Variants in STPG2 observed in about 807,000 individuals in gnomAD.
STPG2 encodes sperm-tail PG-rich repeat-containing protein 2.
STPG2 carries 56 observed loss-of-function variants against 54.2 expected under a neutral mutation model. The ratio of observed to expected loss-of-function variants is 1.03; its 90% CI spans 0.83 to 1.29. The LOEUF (loss-of-function observed/expected upper bound fraction) is 1.29, where lower values mean the gene tolerates loss of function less well. Among genes scored for constraint, STPG2 ranks in the 50% most tolerant of loss-of-function variants. STPG2 has a pLI of 0.00. For synonymous variants in STPG2, 200 were observed against 181.8 expected, an observed-to-expected ratio of 1.10 and a Z score of -0.81; for missense variants, 596 against 544.9, an observed-to-expected ratio of 1.09 and a Z score of -0.93.
intron 8 of STPG2, among the ~76,000 whole-genome samples, chr4:97,909,010 T>TATAATAATAATAATA (rs56703020): frequency 1.4e-5 from 2 of 143,202 alleles, no homozygotes; most frequent in East Asian, 2.1e-4. Context: ...AAACTTAAAG[T>TATAATAATAATAATA]ATAATAATAA....
chr4:97,501,208 G>T (rs1730717834), intron 4 of STPG2, among the ~76,000 whole-genome samples: 1 of 152,048 alleles, frequency 6.6e-6, no homozygotes, highest in Admixed American at 6.6e-5. Flanking sequence ...TTTAAATATA[G>T]TAGTGTAGAG....
intron 9 of STPG2, among the ~76,000 whole-genome samples, chr4:97,729,295 T>C (rs1453763792): frequency 2.6e-5 from 4 of 152,102 alleles, no homozygotes; most frequent in African/African-American, 9.7e-5. Flanking sequence ...ATTTGGAGAA[T>C]AGAATGTACT....
chr4:97,693,029 C>T (rs1723425255), intron 10 of STPG2, among the ~76,000 whole-genome samples: 1 of 151,730 alleles, frequency 6.6e-6, no homozygotes, highest in African/African-American at 2.4e-5. Context: ...GCCAGCACTA[C>T]AAGAACTGAT....
intron 10 of STPG2, among the ~76,000 whole-genome samples, chr4:97,632,912 C>G (rs1386026151): frequency 6.6e-6 from 1 of 151,980 alleles, no homozygotes; most frequent in Non-Finnish European, 1.5e-5. Context: ...CAATTGGATG[C>G]TTATTATATG....
At chr4:97,863,162 G>A (rs1442015883) in intron 8 of STPG2, among the ~76,000 whole-genome samples, 1 of 152,096 alleles carries the variant, frequency 6.6e-6, no homozygotes, top group Admixed American at 6.6e-5. Context: ...CCAGGAGCCA[G>A]TTTTTTGAAA....
intron 10 of STPG2, among the ~76,000 whole-genome samples, chr4:97,693,333 G>T (rs1191276492): frequency 6.6e-6 from 1 of 151,886 alleles, no homozygotes; most frequent in Non-Finnish European, 1.5e-5. Flanking sequence ...TAAGGTAAAA[G>T]GGTAGAAAAA....
intron 3 of STPG2, among the ~76,000 whole-genome samples, chr4:98,114,585 A>T (rs867536814): frequency 6.6e-6 from 1 of 152,058 alleles, no homozygotes; most frequent in Non-Finnish European, 1.5e-5. Flanking sequence ...GCAAGGATTC[A>T]AGACCTTGAG....
chr4:97,455,392 C>T (rs2148802364), intron 4 of STPG2, among the ~76,000 whole-genome samples: 1 of 152,106 alleles, frequency 6.6e-6, no homozygotes, highest in African/African-American at 2.4e-5. Flanking sequence ...ACCCCGAGAC[C>T]CTAGTGGGAG....
At position 98,056,167 on chromosome 4, in the gene STPG2, G is replaced by A. The variant is rs112196491; in HGVS notation, c.612+49786C>T. Among the ~76,000 whole-genome samples the A allele has an allele frequency of 3.8e-3, 576 of 152,174 alleles. 5 individuals carry two copies. The highest frequency in any genetic ancestry group is 6.4e-3 in the Non-Finnish European group (433 of 67,996). On this transcript the variant is annotated intron_variant, in intron 5 of 10. Transcript: ENST00000295268. Reference sequence around the variant, plus strand: ...GCCTTGGCAGGCACAGAGCCAACAAGCCCCACCACCACCAGCACCACACCC... The same window carrying A: ...GCCTTGGCAGGCACAGAGCCAACAAACCCCACCACCACCAGCACCACACCC...
chr4:97,498,943 A>G (rs1045959544), intron 4 of STPG2, among the ~76,000 whole-genome samples: 1 of 151,940 alleles, frequency 6.6e-6, no homozygotes, highest in Non-Finnish European at 1.5e-5. Flanking sequence ...AGATGATCTC[A>G]GCACCATCAC....
intron 9 of STPG2, among the ~76,000 whole-genome samples, chr4:97,738,234 T>A (rs1392818614): frequency 6.6e-6 from 1 of 152,020 alleles, no homozygotes; most frequent in Non-Finnish European, 1.5e-5. Context: ...AAAGGAACAA[T>A]GGGTACCAGC....
At chr4:98,025,642 T>C (rs1353628231) in intron 5 of STPG2, 4 of 856,528 alleles carry the variant, frequency 4.7e-6, no homozygotes, top group African/African-American at 1.7e-5. Flanking sequence ...TGCCAAAATA[T>C]GGTATGAAGG....
intron 10 of STPG2, among the ~76,000 whole-genome samples, chr4:97,692,160 A>G (rs1723387067): frequency 6.6e-6 from 1 of 152,226 alleles, no homozygotes; most frequent in Admixed American, 6.5e-5. Flanking sequence ...CAAGCTCACC[A>G]GCAGTGGATC....
At chr4:98,120,321 C>G (rs1413578473) in intron 3 of STPG2, among the ~76,000 whole-genome samples, 2 of 152,094 alleles carry the variant, frequency 1.3e-5, no homozygotes, top group South Asian at 4.1e-4. Context: ...CCTCATGATC[C>G]ACCTGCCTCG....
intron 7 of STPG2, among the ~76,000 whole-genome samples, chr4:97,954,670 A>G (rs1486540043): frequency 6.6e-6 from 1 of 152,248 alleles, no homozygotes; most frequent in Non-Finnish European, 1.5e-5. Context: ...AGTAATGGCA[A>G]AAATGTAATC....
At chr4:97,559,533 A>G (rs754202012) in intron 10 of STPG2, among the ~76,000 whole-genome samples, 13 of 152,136 alleles carry the variant, frequency 8.5e-5, no homozygotes, top group East Asian at 1.9e-4. Context: ...CCTTTCTACA[A>G]TTCTTTTTGT....
At chr4:97,684,388 T>C (rs1271115671) in intron 10 of STPG2, among the ~76,000 whole-genome samples, 1 of 151,918 alleles carries the variant, frequency 6.6e-6, no homozygotes, top group East Asian at 1.9e-4. Context: ...ATCAGCTAAA[T>C]AAATTAATGG....
chr4:97,519,758 T>G lies in STPG2; in HGVS notation c.462+192941A>C, dbSNP rs183136588. On this transcript the variant is annotated intron_variant, in intron 4 of 4. Transcript: ENST00000522676. ...CACAACACTGGTGGGAACTAGATTATTTCAGAAAAAAAAATGAGGGAAGAT... is the reference window on the plus strand; with the variant it reads ...CACAACACTGGTGGGAACTAGATTAGTTCAGAAAAAAAAATGAGGGAAGAT... Among the ~76,000 whole-genome samples the G allele has an allele frequency of 1.6e-3, 243 of 151,222 alleles. 1 individual carries two copies. Among genetic ancestry groups the G allele is most frequent in the South Asian group, 4.8e-3 (23 of 4,808 alleles).
chr4:98,002,396 T>G (rs1735438551), intron 5 of STPG2, among the ~76,000 whole-genome samples: 1 of 152,034 alleles, frequency 6.6e-6, no homozygotes, highest in African/African-American at 2.4e-5. Context: ...CACAAGTTAG[T>G]GAACATAATA....
Sources: allele counts gnomAD v4.1 joint callset (sites outside exome capture counted in the v4.1 genomes callset), GRCh38; gene constraint gnomAD v4.1.1; transcripts MANE v1.5; gene names NCBI Gene and HGNC (gene_info 2026-07-23, HGNC 2026-07-21).